The following COL10A1 variants were observed in gnomAD, a reference collection of about 807,000 sequenced individuals.
The protein encoded by COL10A1 is collagen type X alpha 1 chain.
COL10A1 carries 10 observed loss-of-function variants against 18.2 expected under a neutral mutation model. The ratio of observed to expected loss-of-function variants is 0.55; its 90% CI spans 0.34 to 0.93. COL10A1 has a LOEUF of 0.93. Among genes scored for constraint, COL10A1 ranks in the 40% least tolerant of loss-of-function variants. The pLI is 0.02. For synonymous variants in COL10A1, 330 were observed against 316.6 expected, an observed-to-expected ratio of 1.04 and a Z score of -0.45; for missense variants, 897 against 853.5, an observed-to-expected ratio of 1.05 and a Z score of -0.64.
chr6:116,187,759 A>C, the COL10A1 span, among the ~76,000 whole-genome samples: 1 of 152,124 alleles, frequency 6.6e-6, no homozygotes, highest in Non-Finnish European at 1.5e-5. Context: ...TAAAGCTATC[A>C]GAAGAAAATC....
At chr6:116,167,206 ATTT>A in the COL10A1 span, among the ~76,000 whole-genome samples, 12 of 87,814 alleles carry the variant, frequency 1.4e-4, no homozygotes, top group Middle Eastern at 9.4e-3. Context: ...CAAATAGAAG[ATTT>A]TTTTTTTTTT....
At chr6:116,216,742 TAAAC>T in the COL10A1 span, among the ~76,000 whole-genome samples, 1 of 152,110 alleles carries the variant, frequency 6.6e-6, no homozygotes, top group Non-Finnish European at 1.5e-5. Context: ...CACCTATAAA[TAAAC>T]AAAATAAATT....
upstream of COL10A1, among the ~76,000 whole-genome samples, chr6:116,161,108 G>A (rs891340864): frequency 6.0e-5 from 9 of 149,100 alleles, no homozygotes; most frequent in African/African-American, 7.4e-5. Context: ...ACCAAACACC[G>A]CATGTTCTCA....
At chr6:116,125,286 A>G in intron 2 of COL10A1, 53 bp downstream of exon 2, 2 of 1,586,702 alleles carry the variant, frequency 1.3e-6, no homozygotes, top group Non-Finnish European at 1.7e-6. Context: ...TATTAAGATT[A>G]TAGAAAGCAA....
At chr6:116,164,685 G>A in the COL10A1 span, among the ~76,000 whole-genome samples, 2 of 152,100 alleles carry the variant, frequency 1.3e-5, no homozygotes, top group South Asian at 4.1e-4. Flanking sequence ...TTGTACTTAC[G>A]TGTGCTTTTG....
At chr6:116,162,104 A>G (rs886600929), upstream of COL10A1, among the ~76,000 whole-genome samples, 9 of 152,122 alleles carry the variant, frequency 5.9e-5, no homozygotes, top group African/African-American at 1.9e-4. Context: ...TAGAAATGCA[A>G]CTGATTATGG....
At chr6:116,169,651 T>C in the COL10A1 span, among the ~76,000 whole-genome samples, 1 of 152,220 alleles carries the variant, frequency 6.6e-6, no homozygotes, top group Non-Finnish European at 1.5e-5. Flanking sequence ...TTATTTTTTA[T>C]TGAGAAATTT....
chr6:116,201,872 T>A, the COL10A1 span, among the ~76,000 whole-genome samples: 2 of 152,038 alleles, frequency 1.3e-5, 1 homozygote, highest in South Asian at 4.1e-4. Flanking sequence ...CTGGACCAAA[T>A]CATGTTTGCT....
At chr6:116,203,136 A>C in the COL10A1 span, among the ~76,000 whole-genome samples, 365 of 152,124 alleles carry the variant, frequency 2.4e-3, no homozygotes, top group Non-Finnish European at 3.8e-3. Flanking sequence ...AACAAACCAA[A>C]TTACCAAGTG....
At chr6:116,169,045 C>T in the COL10A1 span, among the ~76,000 whole-genome samples, 3 of 152,176 alleles carry the variant, frequency 2.0e-5, no homozygotes, top group Non-Finnish European at 4.4e-5. Flanking sequence ...CACTGGCCTC[C>T]ATTTTTTGTC....
At chr6:116,142,317 G>C (rs1779787868) in intron 1 of COL10A1, among the ~76,000 whole-genome samples, 1 of 150,772 alleles carries the variant, frequency 6.6e-6, no homozygotes, top group Non-Finnish European at 1.5e-5. Context: ...ATATACTTAG[G>C]AAAATGTAGT....
At chr6:116,189,396 G>C in the COL10A1 span, among the ~76,000 whole-genome samples, 862 of 151,720 alleles carry the variant, frequency 5.7e-3, 17 homozygotes, top group South Asian at 0.046. Context: ...TTTTGTCTTC[G>C]TAGTCTTGAC....
chr6:116,168,634 TG>T, the COL10A1 span, among the ~76,000 whole-genome samples: 1 of 152,148 alleles, frequency 6.6e-6, no homozygotes, highest in Non-Finnish European at 1.5e-5. Flanking sequence ...TTTGATTGTT[TG>T]TTTTGTTTTT....
the COL10A1 span, among the ~76,000 whole-genome samples, chr6:116,171,656 A>T: frequency 6.6e-6 from 1 of 152,192 alleles, no homozygotes; most frequent in Non-Finnish European, 1.5e-5. Context: ...TCTCTTTGGT[A>T]TCCCCTATAC....
rs777154342 is a variant in COL10A1, at chr6:116,125,378, T to C, written c.115A>G (p.Lys39Glu). Reference protein sequence around the residue: ...TGIKGPLPNTKTQFFIPYTIK... With the variant: ...TGIKGPLPNTETQFFIPYTIK... ...GTGTAGGGAATGAAGAACTGTGTCTTGGTGTTGGGTAGTGGGCCTTTTATG... is the reference window on the plus strand; with the variant it reads ...GTGTAGGGAATGAAGAACTGTGTCTCGGTGTTGGGTAGTGGGCCTTTTATG... The change falls in exon 2 of 3, where the codon AAG becomes GAG. Residue 39 changes from lysine to glutamate, a missense_variant. Coordinates refer to ENST00000651968, the MANE Select transcript of COL10A1 (RefSeq NM_000493.4). 6 of 1,613,654 alleles carry C rather than the reference T, an allele frequency of 3.7e-6. No individual in the cohort carries two copies. Among genetic ancestry groups the C allele is most frequent in the Admixed American group, 1.7e-5 (1 of 59,982 alleles).
At chr6:116,168,565 T>C in the COL10A1 span, among the ~76,000 whole-genome samples, 1 of 152,192 alleles carries the variant, frequency 6.6e-6, no homozygotes, top group East Asian at 1.9e-4. Context: ...TGGTTCAGTC[T>C]GTCTTCATGC....
the COL10A1 span, among the ~76,000 whole-genome samples, chr6:116,187,831 TATTG>T: frequency 5.3e-5 from 8 of 152,072 alleles, no homozygotes; most frequent in Admixed American, 3.3e-4. Flanking sequence ...ATAGAAACAG[TATTG>T]ATTGATTGTA....
intron 1 of COL10A1, among the ~76,000 whole-genome samples, chr6:116,141,926 A>ACT (rs1554195173): frequency 9.4e-5 from 14 of 148,808 alleles, no homozygotes; most frequent in African/African-American, 3.5e-4. Flanking sequence ...ACACACACAC[A>ACT]CTGTAAATGT....
At position 116,120,590 on chromosome 6, in the gene COL10A1, G is replaced by C. The variant is rs1298063802; in HGVS notation, c.1526C>G (p.Pro509Arg). 1 of 1,587,592 alleles carries C rather than the reference G, an allele frequency of 6.3e-7. No individual in the cohort carries two copies. Among genetic ancestry groups the C allele is most frequent in the Admixed American group, 1.8e-5 (1 of 54,712 alleles). ...GHSGEPGLPG[P>R]PGPPGPPGQA... The stretch of plus-strand genomic sequence containing the variant: ...ACCTGGTGGGCCTGGAGGCCCAGGG[G>C]GCCCTGGAAGACCAGGCTCTCCAGA... The change falls in exon 3 of 3, where the codon CCC (proline) becomes CGC (arginine). Residue 509 changes from proline (P) to arginine (R), a missense_variant. Coordinates refer to ENST00000651968, the MANE Select transcript of COL10A1 (RefSeq NM_000493.4).
Sources: allele counts gnomAD v4.1 joint callset (sites outside exome capture counted in the v4.1 genomes callset), GRCh38; gene constraint gnomAD v4.1.1; transcripts MANE v1.5; gene names NCBI Gene and HGNC (gene_info 2026-07-23, HGNC 2026-07-21).